Variants in MIPOL1 observed in about 807,000 individuals in gnomAD.
MIPOL1 encodes mirror-image polydactyly gene 1 protein.
Under a neutral mutation model 60.9 loss-of-function variants are expected in MIPOL1, and 57 were observed. The ratio of observed to expected loss-of-function variants is 0.94; its 90% confidence interval spans 0.76 to 1.17. The LOEUF (loss-of-function observed/expected upper bound fraction) is 1.17, where lower values mean the gene tolerates loss of function less well. Among genes scored for constraint, MIPOL1 ranks in the 50% most tolerant of loss-of-function variants. MIPOL1 has a pLI of 0.00. For synonymous variants in MIPOL1, 179 were observed against 168.8 expected (o/e 1.06, Z -0.47); for missense variants, 551 against 511.6 (o/e 1.08, Z -0.74).
At chr14:37,374,436 G>A (rs2092720716) in intron 10 of MIPOL1, among the ~76,000 whole-genome samples, 2 of 152,104 alleles carry the variant, frequency 1.3e-5, no homozygotes. Flanking sequence ...TGCTTTTGGT[G>A]TTTTAGTCAT....
At chr14:37,316,741 G>A (rs1241777658) in intron 9 of MIPOL1, among the ~76,000 whole-genome samples, 1 of 151,918 alleles carries the variant, frequency 6.6e-6, no homozygotes, top group East Asian at 1.9e-4. Flanking sequence ...CTTTAGGAGG[G>A]CAAGGCGGGT....
At chr14:37,287,141 G>A (rs1338999016) in intron 7 of MIPOL1, among the ~76,000 whole-genome samples, 1 of 151,836 alleles carries the variant, frequency 6.6e-6, no homozygotes, top group African/African-American at 2.4e-5. Context: ...AATAGAGCAG[G>A]TTATGAGGAC....
chr14:37,541,065 C>A (rs2095527795), intron 12 of MIPOL1, among the ~76,000 whole-genome samples: 1 of 152,200 alleles, frequency 6.6e-6, no homozygotes, highest in Admixed American at 6.5e-5. Flanking sequence ...TGTCAATAAC[C>A]TGCATTATTC....
intron 10 of MIPOL1, among the ~76,000 whole-genome samples, chr14:37,377,401 T>G (rs2092806099): frequency 6.6e-6 from 1 of 152,044 alleles, no homozygotes; most frequent in Non-Finnish European, 1.5e-5. Flanking sequence ...CAGTAGTCAT[T>G]TTATAGTCAT....
chr14:37,439,829 A>G (rs1264531745), intron 11 of MIPOL1, among the ~76,000 whole-genome samples: 1 of 152,154 alleles, frequency 6.6e-6, no homozygotes, highest in East Asian at 1.9e-4. Context: ...AACATACTTA[A>G]AAACAATTTA....
intron 9 of MIPOL1, among the ~76,000 whole-genome samples, chr14:37,312,251 G>A (rs2087408689): frequency 6.6e-6 from 1 of 152,034 alleles, no homozygotes; most frequent in Non-Finnish European, 1.5e-5. Flanking sequence ...GGTATTACAA[G>A]CGGGTGCCAC....
intron 1 of MIPOL1, among the ~76,000 whole-genome samples, chr14:37,207,883 T>C (rs1966347358): frequency 6.6e-6 from 1 of 152,178 alleles, no homozygotes; most frequent in Non-Finnish European, 1.5e-5. Flanking sequence ...AAACCAATTA[T>C]TAACAGTTTT....
intron 9 of MIPOL1, among the ~76,000 whole-genome samples, chr14:37,337,075 G>A (rs2090182002): frequency 6.6e-6 from 1 of 151,670 alleles, no homozygotes; most frequent in Admixed American, 6.6e-5. Flanking sequence ...GAGTACTAAT[G>A]GGTCTTTTTT....
intron 12 of MIPOL1, among the ~76,000 whole-genome samples, chr14:37,539,361 T>C (rs2153639868): frequency 6.6e-6 from 1 of 152,332 alleles, no homozygotes; most frequent in South Asian, 2.1e-4. Context: ...TTGCCTTGGT[T>C]TTGCTGGCAA....
chr14:37,545,344 T>A (rs980416785), intron 12 of MIPOL1, among the ~76,000 whole-genome samples: 10 of 152,280 alleles, frequency 6.6e-5, no homozygotes, highest in African/African-American at 2.4e-4. Context: ...CCTTAAAGGA[T>A]TCATGTAGTG....
intron 12 of MIPOL1, among the ~76,000 whole-genome samples, chr14:37,537,723 G>A (rs183409965): frequency 2.6e-5 from 4 of 152,282 alleles, no homozygotes; most frequent in Admixed American, 2.0e-4. Context: ...TTTGATAAAA[G>A]TGACTTATGG....
intron 12 of MIPOL1, chr14:37,505,927 G>A (rs1459808472): frequency 6.7e-6 from 1 of 150,370 alleles, no homozygotes; most frequent in East Asian, 2.0e-4. Flanking sequence ...TAAAATCAAT[G>A]TGCAAAAATC....
intron 12 of MIPOL1, among the ~76,000 whole-genome samples, chr14:37,510,351 A>T (rs1172263630): frequency 1.3e-5 from 2 of 152,054 alleles, no homozygotes; most frequent in African/African-American, 4.8e-5. Flanking sequence ...AGGAGCTGGG[A>T]CTACAGGCAT....
chr14:37,409,926 G>A (rs1009165394), intron 10 of MIPOL1, among the ~76,000 whole-genome samples: 1 of 152,140 alleles, frequency 6.6e-6, no homozygotes, highest in Admixed American at 6.6e-5. Flanking sequence ...ATTTAATTGG[G>A]CTCCGAAAAG....
chr14:37,446,009 A>G (rs1008953178), intron 11 of MIPOL1, among the ~76,000 whole-genome samples: 2 of 152,222 alleles, frequency 1.3e-5, no homozygotes, highest in African/African-American at 4.8e-5. Context: ...GGACATAGGC[A>G]TGGGCAAGGA....
At chr14:37,442,683 A>C (rs1422319719) in intron 11 of MIPOL1, among the ~76,000 whole-genome samples, 3 of 151,592 alleles carry the variant, frequency 2.0e-5, no homozygotes, top group African/African-American at 7.2e-5. Context: ...AAAAATTTAA[A>C]AAATTGTTAC....
chr14:37,252,316 G>A (rs984543035), intron 3 of MIPOL1, among the ~76,000 whole-genome samples: 6 of 151,710 alleles, frequency 4.0e-5, no homozygotes, highest in African/African-American at 1.4e-4. Flanking sequence ...TTTGAAATAA[G>A]GTGAAAAAGC....
intron 12 of MIPOL1, chr14:37,506,391 C>A (rs1387966732): frequency 6.6e-6 from 1 of 152,080 alleles, no homozygotes; most frequent in Non-Finnish European, 1.5e-5. Context: ...GGTACTGGTA[C>A]CAAAACAGAG....
At chr14:37,476,985 C>T (rs2094786551) in intron 11 of MIPOL1, among the ~76,000 whole-genome samples, 1 of 149,786 alleles carries the variant, frequency 6.7e-6, no homozygotes, top group Non-Finnish European at 1.5e-5. Flanking sequence ...ACTGCAGCCT[C>T]CTCCTCCCAG....
Sources: gnomAD v4.1 joint callset for allele counts (sites outside exome capture counted in the v4.1 genomes callset) on GRCh38, gnomAD v4.1.1 for gene constraint, MANE v1.5 for transcripts, NCBI Gene and HGNC (gene_info 2026-07-23, HGNC 2026-07-21) for gene names.